GPLD1: variants seen among roughly 807,000 people sequenced by gnomAD.
GPLD1 encodes glycosylphosphatidylinositol specific phospholipase D1, also known as phosphatidylinositol-glycan-specific phospholipase D.
GPLD1 carries 84 observed loss-of-function variants against 112.6 expected under a neutral mutation model. The observed-to-expected ratio is 0.75, with a 90% CI of 0.63 to 0.89. GPLD1 has a LOEUF of 0.89. Among genes scored for constraint, GPLD1 ranks in the 40% least tolerant of loss-of-function variants. GPLD1 has a pLI of 0.00. For missense variants in GPLD1, 1,044 were observed against 1,051.5 expected, an observed-to-expected ratio of 0.99 and a Z score of 0.10; for synonymous variants, 386 against 403.8, an observed-to-expected ratio of 0.96 and a Z score of 0.53.
In GPLD1 at chr6:24,442,474, T is replaced by C; in HGVS notation, c.2020+3072A>G. Among the ~76,000 whole-genome samples the C allele has an allele frequency of 1.7e-5, 2 of 118,740 alleles. 1 individual carries two copies. The highest frequency in any genetic ancestry group is 3.3e-5 in the Non-Finnish European group (2 of 60,340). The allele number at this position is 118,740 out of a possible 152,430, so 77.9% of individuals were successfully genotyped here. A position where few individuals can be genotyped will look rare whatever the true frequency, so the allele number is the denominator to read the frequency against. ...TTTTTTTTTTTTTTGAGATGGAATT[T>C]CACTCTGTCACCCAGGCTGGAGTGC... On this transcript the variant is annotated intron_variant, in intron 20 of 24. Coordinates refer to ENST00000230036, the MANE Select transcript of GPLD1 (RefSeq NM_001503.4).
chr6:24,473,024 C>T (rs911072040), intron 6 of GPLD1: 1 of 153,878 alleles, frequency 6.5e-6, no homozygotes, highest in Non-Finnish European at 1.4e-5. Context: ...GATCCACCTG[C>T]CTTGGCCTCC....
intron 14 of GPLD1, among the ~76,000 whole-genome samples, chr6:24,452,761 G>A (rs1763131602): frequency 1.6e-5 from 2 of 123,948 alleles, no homozygotes; most frequent in East Asian, 2.2e-4. Context: ...GGGCAACAGT[G>A]AGAGTTTATC....
In GPLD1 at chr6:24,428,622, A is replaced by G. The variant is rs1250850952; in HGVS notation, c.*410T>C. On this transcript the variant is annotated 3_prime_UTR_variant, in exon 25 of 25. Coordinates refer to ENST00000230036, the MANE Select transcript of GPLD1 (RefSeq NM_001503.4). ...TTAAAAAAGGATGTTTTTAGGAGGA[A>G]TTGTGTACAGAGACTGTTCTAACAG... 6.4e-6 allele frequency: 1 copy of G among 155,672 alleles called. No individual in the cohort carries two copies. Among genetic ancestry groups the G allele is most frequent in the African/African-American group, 2.4e-5 (1 of 41,594 alleles). The allele number at this position is 155,672 out of a possible 1,614,324, so 9.6% of individuals were successfully genotyped here. A position where few individuals can be genotyped will look rare whatever the true frequency, so the allele number is the denominator to read the frequency against.
rs1763638848 is a variant in GPLD1 at position 24,466,920 on chromosome 6, C to A, written c.673G>T (p.Val225Phe). Residue 225 changes from valine to phenylalanine, a missense_variant, in exon 9 of 25, where the codon GTT (valine) becomes TTT (phenylalanine). Coordinates refer to ENST00000230036, the MANE Select transcript of GPLD1 (RefSeq NM_001503.4). ...FLEMYGEMLA[V>F]SKLYPTYSTK... ...AAGAATGACGCCTTTACCTTGGAAACAGCTAGCATCTCACCATACCTGCAA... is the reference window on the plus strand; with the variant it reads ...AAGAATGACGCCTTTACCTTGGAAAAAGCTAGCATCTCACCATACCTGCAA... 1 of 1,611,018 alleles carries A rather than the reference C, an allele frequency of 6.2e-7. No homozygotes were observed. Among genetic ancestry groups the A allele is most frequent in the African/African-American group, 1.3e-5 (1 of 74,856 alleles).
chr6:24,486,153 TC>T (rs771413533), intron 1 of GPLD1, 23 bp from the exon 2 acceptor site: 1 of 1,357,866 alleles, frequency 7.4e-7, no homozygotes, highest in Admixed American at 1.8e-5. Flanking sequence ...AATACATAAA[TC>T]AATTAAGTTC....
At chr6:24,471,708 G>A (rs1344022838) in intron 7 of GPLD1, among the ~76,000 whole-genome samples, 1 of 152,118 alleles carries the variant, frequency 6.6e-6, no homozygotes, top group South Asian at 2.1e-4. Context: ...TTGCCCTCAA[G>A]GTAGAAAGGT....
At chr6:24,443,386 A>G (rs1762810725) in intron 20 of GPLD1, among the ~76,000 whole-genome samples, 2 of 152,170 alleles carry the variant, frequency 1.3e-5, no homozygotes, top group Admixed American at 6.5e-5. Context: ...AACAGGCTTC[A>G]GATGTGCCTA....
At position 24,456,602 on chromosome 6, in the gene GPLD1, C is replaced by T. The variant is rs1274558453; in HGVS notation, c.1044G>A (p.Arg348=). 2.5e-6 allele frequency: 4 copies of T among 1,606,340 alleles called. No individual in the cohort carries two copies. In the South Asian group the frequency reaches 3.3e-5, roughly 13 times the overall value. Residue 348 remains arginine (R), a synonymous_variant, in exon 13 of 25, where the codon AGG becomes AGA. Transcript: ENST00000230036. ...CACCTATGAACATTGTCCTTATGTT[C>T]CTTTCCAAAGCCTTGTAGATAAAGG... ...SMSFIYKALE[R]NIRTMFIGGS...
At chr6:24,471,866 C>T (rs984878110) in intron 7 of GPLD1, among the ~76,000 whole-genome samples, 2 of 152,152 alleles carry the variant, frequency 1.3e-5, no homozygotes, top group Non-Finnish European at 2.9e-5. Flanking sequence ...ACTACAGATG[C>T]TGTGCCACCA....
chr6:24,469,965 T>A (rs1229264090), intron 7 of GPLD1, among the ~76,000 whole-genome samples: 2 of 152,106 alleles, frequency 1.3e-5, no homozygotes, highest in East Asian at 1.9e-4. Context: ...CAAAAAATAT[T>A]TTTTTAAATG....
chr6:24,426,862 G>T lies in GPLD1; in HGVS notation c.*2170C>A, dbSNP rs1581719781. 6.6e-6 allele frequency among the ~76,000 whole-genome samples: 1 copy of T among 152,172 alleles called. No individual in the cohort carries two copies. Among genetic ancestry groups the T allele is most frequent in the Non-Finnish European group, 1.5e-5 (1 of 68,040 alleles). ...AATGGCGCTTCCTTGTGCTTTTGCT[G>T]TGCCATAGGTTACTATGCAGCTAGC... is the stretch of plus-strand genomic sequence containing the variant. On this transcript the variant is annotated 3_prime_UTR_variant, in exon 25 of 25. Coordinates refer to ENST00000230036, the MANE Select transcript of GPLD1 (RefSeq NM_001503.4).
intron 11 of GPLD1, 70 bp from the exon 12 acceptor site, chr6:24,460,469 AAT>A: frequency 2.0e-6 from 3 of 1,533,040 alleles, no homozygotes; most frequent in Non-Finnish European, 2.7e-6. Context: ...TGAGTTGAAG[AAT>A]ATAGTCAAGT....
At chr6:24,486,482 T>G (rs572184516) in intron 1 of GPLD1, among the ~76,000 whole-genome samples, 236 of 152,250 alleles carry the variant, frequency 1.6e-3, no homozygotes, top group Middle Eastern at 3.4e-3. Flanking sequence ...AAATGCTAAG[T>G]GACAAGCACA....
At chr6:24,459,877 C>A (rs924499189) in intron 12 of GPLD1, among the ~76,000 whole-genome samples, 21 of 152,196 alleles carry the variant, frequency 1.4e-4, no homozygotes, top group African/African-American at 4.3e-4. Flanking sequence ...AGACTCAGGG[C>A]ATCTCCAGAA....
intron 3 of GPLD1, among the ~76,000 whole-genome samples, chr6:24,477,634 G>A (rs542663964): frequency 1.3e-5 from 2 of 152,236 alleles, no homozygotes; most frequent in South Asian, 4.1e-4. Flanking sequence ...GAAGGCTGAG[G>A]CAGGAGGGTT....
At chr6:24,472,382 C>T (rs565938672) in intron 7 of GPLD1, among the ~76,000 whole-genome samples, 200 bp downstream of exon 7, 12 of 152,318 alleles carry the variant, frequency 7.9e-5, no homozygotes, top group African/African-American at 2.9e-4. Context: ...AACTATGACT[C>T]AGCAACTCCA....
intron 17 of GPLD1, among the ~76,000 whole-genome samples, chr6:24,447,272 G>A (rs977476108): frequency 5.3e-5 from 8 of 152,134 alleles, no homozygotes; most frequent in Non-Finnish European, 5.9e-5. Flanking sequence ...TTGGGACGCC[G>A]AGGTGGGTGG....
chr6:24,459,990 C>G (rs562249968), intron 12 of GPLD1, among the ~76,000 whole-genome samples: 5 of 152,336 alleles, frequency 3.3e-5, no homozygotes, highest in African/African-American at 1.2e-4. Flanking sequence ...CCTTGAACTC[C>G]TGGGCTCAAG....
At chr6:24,474,390 T>G (rs890549851) in intron 5 of GPLD1, among the ~76,000 whole-genome samples, 1 of 152,082 alleles carries the variant, frequency 6.6e-6, no homozygotes, top group East Asian at 1.9e-4. Context: ...ATCACAATTT[T>G]CAGTTTGAGG....
Sources: gnomAD v4.1 joint callset for allele counts (sites outside exome capture counted in the v4.1 genomes callset) on GRCh38, gnomAD v4.1.1 for gene constraint, MANE v1.5 for transcripts, NCBI Gene and HGNC (gene_info 2026-07-23, HGNC 2026-07-21) for gene names.